TUNAR: variants seen among roughly 807,000 people sequenced by gnomAD.
The protein encoded by TUNAR is transmembrane neural differentiation associated intracellular calcium regulator, also known as protein TUNAR.
chr14:95,914,956 T>G (rs766020385), intron 2 of TUNAR, among the ~76,000 whole-genome samples: 2 of 152,138 alleles, frequency 1.3e-5, no homozygotes, highest in Admixed American at 6.5e-5. Context: ...AGGACTTGCT[T>G]TTGTTTAGTT....
chr14:95,912,181 T>G (rs766341784), intron 2 of TUNAR, among the ~76,000 whole-genome samples: 1 of 152,244 alleles, frequency 6.6e-6, no homozygotes, highest in Non-Finnish European at 1.5e-5. Flanking sequence ...AACTATGTTA[T>G]AGAACATTTC....
chr14:95,896,270 A>T (rs933202185), intron 2 of TUNAR, among the ~76,000 whole-genome samples: 4 of 152,148 alleles, frequency 2.6e-5, no homozygotes, highest in African/African-American at 7.2e-5. Context: ...TGGGCACTGG[A>T]GTGAGCCAGG....
intron 2 of TUNAR, among the ~76,000 whole-genome samples, chr14:95,877,490 T>C (rs1888908558): frequency 6.6e-6 from 1 of 152,194 alleles, no homozygotes; most frequent in South Asian, 2.1e-4. Context: ...AACTCTTATT[T>C]AGTGGGTGTC....
chr14:95,904,843 C>T lies in TUNAR; in HGVS notation c.13-17938C>T, dbSNP rs180803206. ...AGTTTATATCCTCTTCCCCTCAGGA[C>T]GCTAGCCCTGGCTGAGGACCTGCGC... On this transcript the variant is annotated intron_variant, in intron 2 of 2. Coordinates refer to ENST00000678517, the Ensembl canonical transcript of TUNAR. Among the ~76,000 whole-genome samples the T allele has an allele frequency of 2.7e-3, 413 of 152,330 alleles. 4 individuals carry two copies. The highest frequency in any genetic ancestry group is 9.1e-3 in the African/African-American group (377 of 41,580).
intron 2 of TUNAR, among the ~76,000 whole-genome samples, chr14:95,877,677 G>A (rs776567582): frequency 6.6e-6 from 1 of 152,180 alleles, no homozygotes; most frequent in Non-Finnish European, 1.5e-5. Context: ...CTGCCAGACT[G>A]TTCCCTTTGT....
At chr14:95,902,178 C>T (rs1002745048) in intron 2 of TUNAR, among the ~76,000 whole-genome samples, 3 of 152,012 alleles carry the variant, frequency 2.0e-5, no homozygotes, top group African/African-American at 7.3e-5. Context: ...AGTGTAGCAC[C>T]TTATAGCAAA....
chr14:95,888,991 G>A (rs1211208115), intron 2 of TUNAR, among the ~76,000 whole-genome samples: 1 of 152,178 alleles, frequency 6.6e-6, no homozygotes, highest in Non-Finnish European at 1.5e-5. Context: ...AAGCACTACG[G>A]GCCCCGTGAA....
intron 2 of TUNAR, among the ~76,000 whole-genome samples, chr14:95,894,811 G>A (rs1052991140): frequency 1.3e-5 from 2 of 152,212 alleles, no homozygotes; most frequent in Admixed American, 6.5e-5. Context: ...GATGGGATTG[G>A]GATGACGCAC....
At chr14:95,922,391 C>T (rs1024326993) in intron 2 of TUNAR, among the ~76,000 whole-genome samples, 6 of 152,180 alleles carry the variant, frequency 3.9e-5, no homozygotes, top group African/African-American at 9.7e-5. Context: ...ATGTTTCTTG[C>T]GTGTAACCCA....
chr14:95,883,123 G>A (rs1254787209), intron 2 of TUNAR, among the ~76,000 whole-genome samples: 1 of 152,204 alleles, frequency 6.6e-6, no homozygotes, highest in African/African-American at 2.4e-5. Context: ...CACATCCTGT[G>A]TTCTTCATCT....
intron 2 of TUNAR, among the ~76,000 whole-genome samples, chr14:95,885,678 TTGA>T (rs1889064996): frequency 1.3e-5 from 2 of 152,124 alleles, no homozygotes; most frequent in African/African-American, 4.8e-5. Flanking sequence ...GGAGTGGGTC[TTGA>T]ATGCTAGATT....
At chr14:95,896,709 G>T (rs927434225) in intron 2 of TUNAR, among the ~76,000 whole-genome samples, 1 of 152,244 alleles carries the variant, frequency 6.6e-6, no homozygotes, top group South Asian at 2.1e-4. Flanking sequence ...AAGTGCCCAG[G>T]TGCCCCAAAA....
At chr14:95,920,354 G>T (rs761967464) in intron 2 of TUNAR, among the ~76,000 whole-genome samples, 23 of 152,130 alleles carry the variant, frequency 1.5e-4, no homozygotes, top group Non-Finnish European at 2.6e-4. Flanking sequence ...AATGTATCAA[G>T]CTGTACATTT....
intron 2 of TUNAR, among the ~76,000 whole-genome samples, chr14:95,883,727 C>CCT (rs1209046019): frequency 6.6e-6 from 1 of 152,062 alleles, no homozygotes; most frequent in African/African-American, 2.4e-5. Flanking sequence ...AAGCCACCCC[C>CCT]CCGCCGCCAC....
chr14:95,910,725 T>A (rs889088868), intron 2 of TUNAR, among the ~76,000 whole-genome samples: 7 of 152,360 alleles, frequency 4.6e-5, no homozygotes, highest in Non-Finnish European at 8.8e-5. Context: ...AGCCAGGCCA[T>A]TCTGTGGCTG....
intron 2 of TUNAR, among the ~76,000 whole-genome samples, chr14:95,899,743 C>A: frequency 6.6e-6 from 1 of 152,102 alleles, no homozygotes; most frequent in East Asian, 1.9e-4. Flanking sequence ...TTTATAAGGA[C>A]ACTAATTCTA....
intron 2 of TUNAR, among the ~76,000 whole-genome samples, chr14:95,894,660 A>G (rs1477385271): frequency 1.3e-5 from 2 of 152,214 alleles, no homozygotes; most frequent in Non-Finnish European, 2.9e-5. Context: ...AGGTCTATAG[A>G]TTGTTGGAAT....
intron 2 of TUNAR, among the ~76,000 whole-genome samples, chr14:95,905,312 C>T (rs1889414594): frequency 2.0e-5 from 3 of 152,190 alleles, no homozygotes; most frequent in African/African-American, 2.4e-5. Flanking sequence ...TCCAGGATCC[C>T]GTTCCAGATC....
intron 2 of TUNAR, among the ~76,000 whole-genome samples, chr14:95,899,652 C>G (rs1308324530): frequency 6.6e-6 from 1 of 152,114 alleles, no homozygotes; most frequent in Admixed American, 6.5e-5. Context: ...AGGGCCCACT[C>G]GGTGGTTTGC....
Sources: gnomAD v4.1 joint callset for allele counts (sites outside exome capture counted in the v4.1 genomes callset) on GRCh38, gnomAD v4.1.1 for gene constraint, MANE v1.5 for transcripts, NCBI Gene and HGNC (gene_info 2026-07-23, HGNC 2026-07-21) for gene names.